The following PIAS2 variants were observed in gnomAD, a reference collection of about 807,000 sequenced individuals.
PIAS2 encodes the protein E3 SUMO-protein ligase PIAS2.
In PIAS2, 19 loss-of-function variants were observed where a neutral mutation model predicts 69.7. The observed-to-expected ratio is 0.27, with a 90% CI of 0.19 to 0.40. PIAS2 has a LOEUF of 0.40. Among genes scored for constraint, PIAS2 ranks in the 10% least tolerant of loss-of-function variants. The probability of loss-of-function intolerance (pLI) is 1.00; values close to 1 mark genes in which losing one functional copy is unlikely to be tolerated. For missense variants in PIAS2, 624 were observed against 757.0 expected (o/e 0.82, Z 2.06); for synonymous variants, 261 against 263.2 (o/e 0.99, Z 0.08).
In PIAS2 at chr18:46,806,171, A is replaced by G. The variant is rs2040674322; in HGVS notation, c.*6262T>C. The G allele has an allele frequency of 6.6e-6, 1 of 152,056 alleles. No individual in the cohort carries two copies. Among genetic ancestry groups the G allele is most frequent in the South Asian group, 2.1e-4 (1 of 4,816 alleles). 9.4% of individuals were successfully genotyped at this position (152,056 alleles called of 1,614,324 possible). ...CAGCTAATTAACGTCACTTCAGTTTACGCAGAGAGCTTTTGGGGTAAGTCT... is the reference window on the plus strand; with the variant it reads ...CAGCTAATTAACGTCACTTCAGTTTGCGCAGAGAGCTTTTGGGGTAAGTCT... On this transcript the variant is annotated 3_prime_UTR_variant, in exon 14 of 14. Transcript: ENST00000585916.
chr18:46,860,852 C>T (rs1025736407), intron 3 of PIAS2, among the ~76,000 whole-genome samples: 2 of 152,090 alleles, frequency 1.3e-5, no homozygotes, highest in Non-Finnish European at 2.9e-5. Flanking sequence ...TGTTGTACAC[C>T]TGTAGTCCTA....
Position 46,815,335 on chromosome 18 carries a change from A to T in PIAS2, c.1663T>A (p.Ser555Thr), listed in dbSNP as rs768359921. 6.2e-7 allele frequency: 1 copy of T among 1,612,308 alleles called. No homozygotes were observed. The highest frequency in any genetic ancestry group is 8.5e-7 in the Non-Finnish European group (1 of 1,178,762). The change falls in exon 13 of 14, where the codon TCC becomes ACC. Residue 555 changes from serine (S) to threonine (T), a missense_variant. Transcript: ENST00000585916. The stretch of plus-strand genomic sequence containing the variant: ...ACCTGGGGATCAACTGGAATAAGGG[A>T]AAGAAAATCCAAACCTAAAACAAAA... ...SSDLPGLDFL[S>T]LIPVDPQYCP... is the part of the protein sequence containing the mutation.
chr18:46,838,992 C>T (rs1446202072), intron 8 of PIAS2, among the ~76,000 whole-genome samples: 1 of 152,062 alleles, frequency 6.6e-6, no homozygotes, highest in Non-Finnish European at 1.5e-5. Context: ...ATGAGATAAC[C>T]GGTTTTTTAT....
chr18:46,849,957 T>C (rs2046720392), intron 5 of PIAS2, among the ~76,000 whole-genome samples: 1 of 152,180 alleles, frequency 6.6e-6, no homozygotes. Context: ...GCATCTCTAA[T>C]AAGACTTTAA....
chr18:46,880,622 A>T (rs191120368), intron 2 of PIAS2, among the ~76,000 whole-genome samples: 20 of 152,356 alleles, frequency 1.3e-4, no homozygotes, highest in Non-Finnish European at 1.6e-4. Context: ...ATTTTTAAAA[A>T]TTGGGACAAA....
chr18:46,821,736 T>C (rs1367735633), intron 11 of PIAS2, among the ~76,000 whole-genome samples: 1 of 152,198 alleles, frequency 6.6e-6, no homozygotes, highest in Non-Finnish European at 1.5e-5. Context: ...AGAGAGTTTA[T>C]GATTTTAAAA....
chr18:46,905,400 C>T (rs1471117579), intron 1 of PIAS2, among the ~76,000 whole-genome samples: 1 of 151,650 alleles, frequency 6.6e-6, no homozygotes, highest in Non-Finnish European at 1.5e-5. Flanking sequence ...TGTTAAAATG[C>T]TGAAAATTAA....
upstream of PIAS2, among the ~76,000 whole-genome samples, chr18:46,919,674 A>G (rs955271248): frequency 3.9e-5 from 6 of 152,204 alleles, no homozygotes; most frequent in East Asian, 1.9e-4. Flanking sequence ...TTATTTTAAA[A>G]TTTTATGTTA....
At chr18:46,849,011 G>A (rs2046579427) in intron 5 of PIAS2, among the ~76,000 whole-genome samples, 1 of 152,156 alleles carries the variant, frequency 6.6e-6, no homozygotes, top group African/African-American at 2.4e-5. Flanking sequence ...AGATAATTCT[G>A]TCTGCTGGTA....
intron 10 of PIAS2, among the ~76,000 whole-genome samples, chr18:46,828,575 A>G (rs1388680899): frequency 1.3e-5 from 2 of 152,226 alleles, no homozygotes; most frequent in Non-Finnish European, 2.9e-5. Context: ...TCAGAACCAG[A>G]TATTTCCATT....
intron 2 of PIAS2, among the ~76,000 whole-genome samples, chr18:46,876,772 C>T (rs1323920713): frequency 6.6e-6 from 1 of 151,508 alleles, no homozygotes; most frequent in African/African-American, 2.4e-5. Flanking sequence ...TCTCAACTCA[C>T]TGCAAGCTCT....
At chr18:46,916,239 C>A (rs576313753) in intron 1 of PIAS2, among the ~76,000 whole-genome samples, 7 of 152,240 alleles carry the variant, frequency 4.6e-5, no homozygotes, top group African/African-American at 7.2e-5. Context: ...CAACATCCTT[C>A]CCCCATCCCA....
At chr18:46,848,970 A>C (rs10468986) in intron 5 of PIAS2, among the ~76,000 whole-genome samples, 45,543 of 152,084 alleles carry the variant, frequency 0.3, 8,395 homozygotes, top group Middle Eastern at 0.45. Context: ...ATTTTGAACA[A>C]AACTTTTGTT....
At chr18:46,815,837 T>C in intron 12 of PIAS2, 11 of 990,190 alleles carry the variant, frequency 1.1e-5, no homozygotes, top group Non-Finnish European at 1.3e-5. Flanking sequence ...TCAAGAGCAG[T>C]ACATAGTCCA....
Position 46,890,906 on chromosome 18 carries a change from C to T in PIAS2, c.173G>A (p.Arg58Gln), listed in dbSNP as rs762351876. ...GCSPAVQIKI[R>Q]ELYRRRYPRT... ...TGGATATCGGCGTCTATACAATTCTCGGATTTTAATCTGAACCGCAGGGCT... is the reference window on the plus strand; with the variant it reads ...TGGATATCGGCGTCTATACAATTCTTGGATTTTAATCTGAACCGCAGGGCT... Residue 58 changes from arginine (R) to glutamine (Q), a missense_variant, in exon 2 of 14, where the codon CGA becomes CAA. Arg to Gln is a conservative substitution (Grantham distance 43). Around this residue, in one of 3 missense-constraint regions of PIAS2, gnomAD observed 339 missense variants for 408.8 expected, o/e 0.83. Transcript: ENST00000585916. 10 of 1,614,042 alleles carry T rather than the reference C, an allele frequency of 6.2e-6. No homozygotes were observed. The highest frequency in any genetic ancestry group is 4.4e-5 in the South Asian group (4 of 91,084).
chr18:46,846,792 C>T lies in PIAS2; in HGVS notation c.776G>A (p.Arg259His), dbSNP rs753346672. ...AACTAAAGATGTAATATTCAAGGGG[C>T]GTCCAGGGCGCTTCTGTTCAATCCC... The part of the protein sequence containing the change: ...KNGIEQKRPG[R>H]PLNITSLVRL... Residue 259 changes from arginine (R) to histidine (H), a missense_variant, in exon 6 of 14, where the codon CGC (arginine) becomes CAC (histidine). Arg to His is a conservative substitution (Grantham distance 29). Transcript: ENST00000585916. 9 of 1,612,560 alleles carry T rather than the reference C, an allele frequency of 5.6e-6. No individual in the cohort carries two copies. Among genetic ancestry groups the T allele is most frequent in the South Asian group, 1.1e-5 (1 of 90,700 alleles).
At chr18:46,837,541 G>A (rs1251708260) in intron 8 of PIAS2, among the ~76,000 whole-genome samples, 1 of 151,942 alleles carries the variant, frequency 6.6e-6, no homozygotes, top group Non-Finnish European at 1.5e-5. Context: ...GTTATTTATA[G>A]GCACTCTTTA....
rs1479724713 is a variant in PIAS2, at chr18:46,806,653, G to T, written c.*5780C>A. 1.3e-5 allele frequency: 2 copies of T among 152,102 alleles called. No individual in the cohort carries two copies. Among genetic ancestry groups the T allele is most frequent in the African/African-American group, 4.8e-5 (2 of 41,412 alleles). 9.4% of individuals were successfully genotyped at this position (152,102 alleles called of 1,614,324 possible). ...TTACAGGCATGAGCCACCATGCCCA[G>T]CTTAAGAATTCTTGATTTTTGGAAC... is the stretch of plus-strand genomic sequence containing the variant. On this transcript the variant is annotated 3_prime_UTR_variant, in exon 14 of 14. Transcript: ENST00000585916.
intron 2 of PIAS2, among the ~76,000 whole-genome samples, chr18:46,867,106 T>C (rs1333123716): frequency 6.6e-6 from 1 of 152,174 alleles, no homozygotes; most frequent in Admixed American, 6.5e-5. Flanking sequence ...ATGTACAATT[T>C]ATAGAACTGG....
Sources: gnomAD v4.1 joint callset for allele counts (sites outside exome capture counted in the v4.1 genomes callset) on GRCh38, gnomAD v4.1.1 for gene constraint, gnomAD v4.1.1 regional missense constraint, MANE v1.5 for transcripts, NCBI Gene and HGNC (gene_info 2026-07-23, HGNC 2026-07-21) for gene names.